FRMD4A: variants seen among roughly 807,000 people sequenced by gnomAD.
FRMD4A encodes FERM domain-containing protein 4A.
Under a neutral mutation model 129.1 loss-of-function variants are expected in FRMD4A, and 29 were observed. The ratio of observed to expected loss-of-function variants is 0.22; its 90% CI spans 0.17 to 0.31. The LOEUF is 0.31. Ranked by LOEUF, FRMD4A falls within the 10% of genes least tolerant of loss-of-function variation. The pLI is 1.00. For missense variants in FRMD4A, 1,272 were observed against 1,375.8 expected, an observed-to-expected ratio of 0.92 and a Z score of 1.19; for synonymous variants, 634 against 571.6, an observed-to-expected ratio of 1.11 and a Z score of -1.56.
intron 2 of FRMD4A, among the ~76,000 whole-genome samples, chr10:14,066,812 G>A (rs1835081524): frequency 6.6e-6 from 1 of 152,066 alleles, no homozygotes; most frequent in African/African-American, 2.4e-5. Flanking sequence ...AAATTGAGGG[G>A]AAAATGATCG....
intron 2 of FRMD4A, among the ~76,000 whole-genome samples, chr10:14,061,511 G>A (rs947193367): frequency 6.6e-6 from 1 of 152,070 alleles, no homozygotes; most frequent in Non-Finnish European, 1.5e-5. Context: ...ATTATCAAAG[G>A]GTAGAAAACC....
intron 2 of FRMD4A, among the ~76,000 whole-genome samples, chr10:13,978,090 G>A (rs2095548295): frequency 6.6e-6 from 1 of 152,200 alleles, no homozygotes; most frequent in South Asian, 2.1e-4. Context: ...CAAAGCAGCT[G>A]TACCATTTTA....
chr10:13,668,705 G>A (rs2083262713), intron 17 of FRMD4A, among the ~76,000 whole-genome samples: 1 of 152,172 alleles, frequency 6.6e-6, no homozygotes, highest in African/African-American at 2.4e-5. Context: ...AGACCAAGGA[G>A]GGTGTTGGGG....
chr10:13,875,747 G>A (rs1332420326), intron 2 of FRMD4A, among the ~76,000 whole-genome samples: 1 of 152,154 alleles, frequency 6.6e-6, no homozygotes, highest in Non-Finnish European at 1.5e-5. Context: ...GGGAAAAGCT[G>A]CATCGGTGGC....
intron 2 of FRMD4A, among the ~76,000 whole-genome samples, chr10:13,944,944 T>C (rs1252122075): frequency 1.3e-5 from 2 of 152,154 alleles, no homozygotes; most frequent in African/African-American, 2.4e-5. Flanking sequence ...GGGAGTTCAG[T>C]GTGATCAGGT....
intron 4 of FRMD4A, among the ~76,000 whole-genome samples, chr10:13,806,752 C>G (rs2093363555): frequency 6.6e-6 from 1 of 152,118 alleles, no homozygotes; most frequent in Non-Finnish European, 1.5e-5. Flanking sequence ...ATAAAGTGTC[C>G]CAGGTAATTC....
chr10:13,981,645 A>C (rs560904250), intron 2 of FRMD4A, among the ~76,000 whole-genome samples: 29 of 150,658 alleles, frequency 1.9e-4, no homozygotes, highest in Non-Finnish European at 3.3e-4. Context: ...AAGCTGAGGC[A>C]GGAGAATCGT....
intron 2 of FRMD4A, among the ~76,000 whole-genome samples, chr10:14,190,344 C>T (rs1842279195): frequency 6.6e-6 from 1 of 152,184 alleles, no homozygotes; most frequent in Non-Finnish European, 1.5e-5. Flanking sequence ...GAAGCCGATA[C>T]TATGACACCG....
At chr10:13,904,261 C>T (rs1034647315) in intron 2 of FRMD4A, among the ~76,000 whole-genome samples, 1 of 152,006 alleles carries the variant, frequency 6.6e-6, no homozygotes, top group African/African-American at 2.4e-5. Flanking sequence ...GAGAACGCTC[C>T]TACAGGCCCC....
At position 14,020,039 on chromosome 10, in the gene FRMD4A, C is replaced by T. The variant is rs115834667; in HGVS notation, c.46-161127G>A. 1.7e-3 allele frequency among the ~76,000 whole-genome samples: 263 copies of T among 152,248 alleles called. 1 individual carries two copies. Among genetic ancestry groups the T allele is most frequent in the African/African-American group, 6.2e-3 (256 of 41,554 alleles). On this transcript the variant is annotated intron_variant, in intron 2 of 24. Coordinates refer to ENST00000357447, the MANE Select transcript of FRMD4A (RefSeq NM_018027.5). ...TGAAACGAGATGCAGACAGACAAAA[C>T]GAAACAGGACAAAGACGTCACTGAG... is the stretch of plus-strand genomic sequence containing the variant.
intron 2 of FRMD4A, among the ~76,000 whole-genome samples, chr10:14,059,821 C>A (rs749343098): frequency 1.3e-5 from 2 of 152,168 alleles, no homozygotes; most frequent in Non-Finnish European, 2.9e-5. Context: ...GCAATGATAT[C>A]CTTTGAGTAG....
At chr10:13,747,274 T>G (rs2091340709) in intron 9 of FRMD4A, among the ~76,000 whole-genome samples, 1 of 151,972 alleles carries the variant, frequency 6.6e-6, no homozygotes, top group African/African-American at 2.4e-5. Flanking sequence ...AGCTCACCCC[T>G]GTAATCCCAG....
At chr10:13,951,890 A>AAAT (rs5783371) in intron 2 of FRMD4A, among the ~76,000 whole-genome samples, 39,318 of 127,332 alleles carry the variant, frequency 0.31, 5,717 homozygotes, top group East Asian at 0.46. Context: ...ACTCTGTCTC[A>AAAT]AATAATAATA....
At chr10:14,017,175 G>A (rs948269538) in intron 2 of FRMD4A, among the ~76,000 whole-genome samples, 1 of 152,186 alleles carries the variant, frequency 6.6e-6, no homozygotes, top group Non-Finnish European at 1.5e-5. Flanking sequence ...CATGCCCAGG[G>A]TTTGAGGAAT....
intron 2 of FRMD4A, among the ~76,000 whole-genome samples, chr10:14,090,719 C>G (rs1836611776): frequency 6.6e-6 from 1 of 152,200 alleles, no homozygotes; most frequent in Non-Finnish European, 1.5e-5. Flanking sequence ...TACTTCCTAG[C>G]ATGGGTTCAG....
At chr10:14,157,047 A>G (rs1840635997) in intron 2 of FRMD4A, among the ~76,000 whole-genome samples, 1 of 152,194 alleles carries the variant, frequency 6.6e-6, no homozygotes, top group Non-Finnish European at 1.5e-5. Context: ...ACATGTTTTC[A>G]ACTCCCCACC....
chr10:13,967,205 C>G (rs1404771942), intron 2 of FRMD4A, among the ~76,000 whole-genome samples: 1 of 152,148 alleles, frequency 6.6e-6, no homozygotes, highest in Non-Finnish European at 1.5e-5. Context: ...GGCTTGGTGG[C>G]GGGCGCCTGT....
At chr10:13,742,161 C>A (rs1184600942) in intron 9 of FRMD4A, among the ~76,000 whole-genome samples, 5 of 152,096 alleles carry the variant, frequency 3.3e-5, no homozygotes, top group African/African-American at 9.7e-5. Flanking sequence ...CAGCTGAAAT[C>A]CTAGTTCTAA....
In FRMD4A at chr10:13,654,879, G is replaced by A. The variant is rs1158891276; in HGVS notation, c.2954-367C>T. ...CTGATGTCCCCATAGTCCTTTGAGC[G>A]AGACCTGAGCAGGGCTCATACAGGG... On this transcript the variant is annotated intron_variant, in intron 22 of 24. Coordinates refer to ENST00000357447, the MANE Select transcript of FRMD4A (RefSeq NM_018027.5). 3 of 261,158 alleles carry A rather than the reference G, an allele frequency of 1.1e-5. No individual in the cohort carries two copies. The South Asian group carries it at 2.7e-4, about 24-fold the overall frequency. 16.2% of individuals were successfully genotyped at this position (261,158 alleles called of 1,614,324 possible). A position where few individuals can be genotyped will look rare whatever the true frequency, so the allele number is the denominator to read the frequency against.
Sources: allele counts gnomAD v4.1 joint callset (sites outside exome capture counted in the v4.1 genomes callset), GRCh38; gene constraint gnomAD v4.1.1; transcripts MANE v1.5; gene names NCBI Gene and HGNC (gene_info 2026-07-23, HGNC 2026-07-21).